The following RTN4IP1 variants were observed in gnomAD, a reference collection of about 807,000 sequenced individuals.
RTN4IP1 encodes the protein reticulon 4 interacting protein 1.
A neutral mutation model predicts 46.6 loss-of-function variants in RTN4IP1; 32 were observed. The ratio of observed to expected loss-of-function variants is 0.69; its 90% CI spans 0.52 to 0.92. The LOEUF (loss-of-function observed/expected upper bound fraction) is 0.92, where lower values mean the gene tolerates loss of function less well. Among genes scored for constraint, RTN4IP1 ranks in the 40% least tolerant of loss-of-function variants. The probability of loss-of-function intolerance (pLI) is 0.00; values close to 1 mark genes in which losing one functional copy is unlikely to be tolerated. For missense variants in RTN4IP1, 424 were observed against 485.8 expected, an observed-to-expected ratio of 0.87 and a Z score of 1.20; for synonymous variants, 167 against 161.8, an observed-to-expected ratio of 1.03 and a Z score of -0.24.
intron 7 of RTN4IP1, among the ~76,000 whole-genome samples, chr6:106,584,094 TATAA>T (rs1196428813): frequency 3.3e-5 from 5 of 152,194 alleles, no homozygotes; most frequent in Non-Finnish European, 7.4e-5. Flanking sequence ...TACTGCCACT[TATAA>T]ATGTTATTCT....
rs1776519524 is a variant in RTN4IP1, at chr6:106,622,910, C to T, written c.334G>A (p.Gly112Arg). Residue 112 changes from glycine (G) to arginine (R), a missense_variant, in exon 2 of 9, where the codon GGA becomes AGA. Coordinates refer to ENST00000369063, the MANE Select transcript of RTN4IP1 (RefSeq NM_032730.5). ...CCCAGAGTCAGAGGAAATTCTTCTC[C>T]TTTGATTTTCACGTGTAAAGGATCA... is the stretch of plus-strand genomic sequence containing the variant. The part of the protein sequence containing the change: ...KRDPLHVKIK[G>R]EEFPLTLGRD... 4 of 1,614,196 alleles carry T rather than the reference C, an allele frequency of 2.5e-6. No homozygotes were observed. In the East Asian group the frequency reaches 8.9e-5, roughly 36 times the overall value.
chr6:106,601,066 AATTT>A lies in RTN4IP1; in HGVS notation c.669+1804_669+1807del, dbSNP rs1206874903. Among the ~76,000 whole-genome samples, 5 of 152,110 alleles carry A rather than the reference AATTT, an allele frequency of 3.3e-5. 1 individual carries two copies. The highest frequency in any genetic ancestry group is 1.2e-4 in the African/African-American group (5 of 41,390). ...CCCACCAGCAATGTATGAGTGTTCT[AATTT>A]ATTTACATCTTTGCTAACATTTTTT... is the stretch of plus-strand genomic sequence containing the variant. On this transcript the variant is annotated intron_variant, in intron 5 of 8. Transcript: ENST00000369063.
At chr6:106,584,224 C>T (rs771467244) in intron 7 of RTN4IP1, among the ~76,000 whole-genome samples, 2 of 152,222 alleles carry the variant, frequency 1.3e-5, no homozygotes, top group Non-Finnish European at 2.9e-5. Flanking sequence ...CAGGCGTGAG[C>T]CACTGTGCCT....
intron 8 of RTN4IP1, among the ~76,000 whole-genome samples, chr6:106,581,598 G>A (rs1775372584): frequency 6.6e-6 from 1 of 152,326 alleles, no homozygotes; most frequent in Admixed American, 6.5e-5. Flanking sequence ...CAAACAGCTT[G>A]TGCAGGAGAG....
intron 7 of RTN4IP1, among the ~76,000 whole-genome samples, chr6:106,585,572 T>C (rs933994744): frequency 6.6e-6 from 1 of 152,228 alleles, no homozygotes; most frequent in Non-Finnish European, 1.5e-5. Flanking sequence ...GTGAAACTTT[T>C]GGTCTGTAAT....
At chr6:106,597,687 GTTTC>G (rs970900809) in intron 5 of RTN4IP1, among the ~76,000 whole-genome samples, 4 of 144,840 alleles carry the variant, frequency 2.8e-5, no homozygotes, top group African/African-American at 7.7e-5. Context: ...TCTGCATTTT[GTTTC>G]TTTTTTTTTT....
At chr6:106,607,280 A>G (rs963175888) in intron 4 of RTN4IP1, among the ~76,000 whole-genome samples, 3 of 150,336 alleles carry the variant, frequency 2.0e-5, no homozygotes, top group Non-Finnish European at 3.0e-5. Flanking sequence ...TAAACATAAG[A>G]CCCAAAAAAA....
In RTN4IP1 at chr6:106,599,451, C is replaced by CTT. The variant is rs11392355; in HGVS notation, c.669+3421_669+3422dup. On this transcript the variant is annotated intron_variant, in intron 5 of 8. Transcript: ENST00000369063. ...TGGACCTTTAGTGTAACCCTTTTTGCTTTTTTTTTTTTTTAAGAAGTTTTA... is the reference window on the plus strand; with the variant it reads ...TGGACCTTTAGTGTAACCCTTTTTGCTTTTTTTTTTTTTTTTAAGAAGTTTTA... Among the ~76,000 whole-genome samples, 451 of 143,146 alleles carry CTT rather than the reference C, an allele frequency of 3.2e-3. 2 individuals are homozygous for CTT. The highest frequency in any genetic ancestry group is 7.7e-3 in the African/African-American group (302 of 39,076). The allele number at this position is 143,146 out of a possible 152,430, so 93.9% of individuals were successfully genotyped here. A position where few individuals can be genotyped will look rare whatever the true frequency, so the allele number is the denominator to read the frequency against.
At chr6:106,615,403 A>G (rs544147545) in intron 4 of RTN4IP1, among the ~76,000 whole-genome samples, 3 of 151,450 alleles carry the variant, frequency 2.0e-5, no homozygotes, top group African/African-American at 7.2e-5. Flanking sequence ...CATAAAACCT[A>G]ATATCAAAAA....
chr6:106,580,887 G>A (rs1775354566), intron 8 of RTN4IP1, among the ~76,000 whole-genome samples: 1 of 151,516 alleles, frequency 6.6e-6, no homozygotes, highest in Non-Finnish European at 1.5e-5. Flanking sequence ...AACAAATTAT[G>A]GTACACCCAT....
At chr6:106,578,418 C>CT (rs1250053971) in intron 8 of RTN4IP1, among the ~76,000 whole-genome samples, 3 of 152,158 alleles carry the variant, frequency 2.0e-5, no homozygotes, top group Non-Finnish European at 4.4e-5. Flanking sequence ...TGTGAGTATG[C>CT]TATTCAATGG....
intron 8 of RTN4IP1, among the ~76,000 whole-genome samples, chr6:106,574,570 G>A (rs1232808104): frequency 6.6e-6 from 1 of 152,174 alleles, no homozygotes; most frequent in Non-Finnish European, 1.5e-5. Context: ...CTGAATGCAT[G>A]CCTAAAATGC....
Position 106,583,399 on chromosome 6 carries a change from A to G in RTN4IP1, c.1012T>C (p.Tyr338His). 1 of 1,613,240 alleles carries G rather than the reference A, an allele frequency of 6.2e-7. No individual in the cohort carries two copies. ...CTGGCCATGAAAAATGCCCAGCGAT[A>G]ATGGACTCCTTTCCAGAAATGCTAA... ...ALKHFWKGVH[Y>H]RWAFFMASGP... Residue 338 changes from tyrosine (Y) to histidine (H), a missense_variant, in exon 8 of 9, where the codon TAT becomes CAT. Tyr to His is a moderately conservative substitution (Grantham distance 83). Transcript: ENST00000369063.
intron 4 of RTN4IP1, among the ~76,000 whole-genome samples, chr6:106,617,011 A>G (rs1227866303): frequency 6.6e-6 from 1 of 150,796 alleles, no homozygotes; most frequent in East Asian, 2.0e-4. Flanking sequence ...TTGTGCTCTT[A>G]TAAGAGAGAG....
chr6:106,578,337 C>A (rs1467958879), intron 8 of RTN4IP1, among the ~76,000 whole-genome samples: 10 of 152,206 alleles, frequency 6.6e-5, no homozygotes, highest in Admixed American at 6.5e-4. Context: ...AATGTGACAT[C>A]ACAGCAGGAT....
chr6:106,595,501 T>C (rs1357536751), intron 5 of RTN4IP1, among the ~76,000 whole-genome samples: 1 of 11,196 alleles, frequency 8.9e-5, no homozygotes, highest in African/African-American at 1.5e-4. Context: ...ACTTTCTTTC[T>C]TTTTTTTTTT....
intron 6 of RTN4IP1, among the ~76,000 whole-genome samples, chr6:106,591,256 C>T (rs1237413778): frequency 1.3e-5 from 2 of 152,114 alleles, no homozygotes; most frequent in Non-Finnish European, 2.9e-5. Flanking sequence ...GTCTGGTTCA[C>T]CACTGTAGCT....
chr6:106,606,816 A>G (rs1776087773), intron 4 of RTN4IP1, among the ~76,000 whole-genome samples: 2 of 152,248 alleles, frequency 1.3e-5, no homozygotes, highest in Admixed American at 6.5e-5. Context: ...TGTTGTTAAA[A>G]TGAACAAACC....
chr6:106,575,771 C>T (rs1171896576), intron 8 of RTN4IP1, among the ~76,000 whole-genome samples: 1 of 152,242 alleles, frequency 6.6e-6, no homozygotes, highest in African/African-American at 2.4e-5. Flanking sequence ...AAGGTCAGAG[C>T]TGTCAATAGC....
Sources: gnomAD v4.1 joint callset for allele counts (sites outside exome capture counted in the v4.1 genomes callset) on GRCh38, gnomAD v4.1.1 for gene constraint, MANE v1.5 for transcripts, NCBI Gene and HGNC (gene_info 2026-07-23, HGNC 2026-07-21) for gene names.